The following ARL15 variants were observed in gnomAD, a reference collection of about 807,000 sequenced individuals.
The protein encoded by ARL15 is ARF like GTPase 15.
In ARL15, 19 loss-of-function variants were observed where a neutral mutation model predicts 25.2. The observed-to-expected ratio is 0.75, with a 90% CI of 0.53 to 1.10. ARL15 has a LOEUF of 1.10. Among genes scored for constraint, ARL15 ranks in the 50% least tolerant of loss-of-function variants. ARL15 has a pLI of 0.00. For synonymous variants in ARL15, 94 were observed against 86.8 expected (o/e 1.08, Z -0.46); for missense variants, 220 against 246.0 (o/e 0.89, Z 0.71).
At chr5:54,246,322 C>A (rs1482212732) in intron 1 of ARL15, among the ~76,000 whole-genome samples, 4 of 152,150 alleles carry the variant, frequency 2.6e-5, no homozygotes, top group Non-Finnish European at 5.9e-5. Flanking sequence ...ATCCCTCCGA[C>A]AACTTGCCCA....
intron 2 of ARL15, among the ~76,000 whole-genome samples, chr5:54,158,809 G>A (rs974043496): frequency 1.6e-4 from 24 of 152,148 alleles, no homozygotes; most frequent in African/African-American, 5.6e-4. Flanking sequence ...GGAGGCAGAG[G>A]TTACAGTGAG....
intron 4 of ARL15, among the ~76,000 whole-genome samples, chr5:54,006,649 CTTTCA>C (rs1231650177): frequency 6.7e-6 from 1 of 149,264 alleles, no homozygotes; most frequent in Non-Finnish European, 1.5e-5. Context: ...TATTGATTTC[CTTTCA>C]TTTATTTGTT....
intron 1 of ARL15, among the ~76,000 whole-genome samples, chr5:54,230,343 T>G (rs1158738675): frequency 1.3e-5 from 1 of 76,016 alleles, no homozygotes; most frequent in East Asian, 2.6e-4. Flanking sequence ...AGATTCCATC[T>G]CAGAAAAAAA....
At chr5:54,101,096 T>G (rs1752420406) in intron 4 of ARL15, among the ~76,000 whole-genome samples, 1 of 152,078 alleles carries the variant, frequency 6.6e-6, no homozygotes, top group African/African-American at 2.4e-5. Context: ...CAATCTCAAC[T>G]ACAATTCTTT....
chr5:54,281,266 A>G (rs1023679898), intron 1 of ARL15, among the ~76,000 whole-genome samples: 2 of 151,970 alleles, frequency 1.3e-5, no homozygotes, highest in Non-Finnish European at 2.9e-5. Flanking sequence ...CAGCCTCCCA[A>G]GTAGCTGGGA....
intron 4 of ARL15, among the ~76,000 whole-genome samples, chr5:54,033,043 ACTGGC>A (rs1750042497): frequency 1.3e-5 from 2 of 151,194 alleles, no homozygotes; most frequent in East Asian, 3.9e-4. Flanking sequence ...AAAAAAAAAG[ACTGGC>A]TGGGCATGGT....
intron 4 of ARL15, among the ~76,000 whole-genome samples, chr5:54,090,222 G>C (rs1327902244): frequency 6.6e-6 from 1 of 152,030 alleles, no homozygotes; most frequent in Non-Finnish European, 1.5e-5. Context: ...TCAATATGAT[G>C]GAATATTACA....
At chr5:53,887,868 G>C (rs936597538) in intron 4 of ARL15, among the ~76,000 whole-genome samples, 1 of 152,124 alleles carries the variant, frequency 6.6e-6, no homozygotes, top group Non-Finnish European at 1.5e-5. Flanking sequence ...TACCAGTGCA[G>C]ACTACTGTTT....
chr5:53,905,959 A>G (rs1178253923), intron 4 of ARL15, among the ~76,000 whole-genome samples: 2 of 152,192 alleles, frequency 1.3e-5, no homozygotes, highest in Non-Finnish European at 2.9e-5. Flanking sequence ...GGGTTTGTAA[A>G]TTTTAGGTGC....
chr5:54,289,021 C>T (rs1162428536), intron 1 of ARL15, among the ~76,000 whole-genome samples: 1 of 152,136 alleles, frequency 6.6e-6, no homozygotes, highest in Non-Finnish European at 1.5e-5. Context: ...AAGAATTTTC[C>T]ATACGTCATT....
intron 1 of ARL15, among the ~76,000 whole-genome samples, chr5:54,296,511 T>C (rs1172845150): frequency 1.3e-5 from 2 of 152,210 alleles, no homozygotes; most frequent in Non-Finnish European, 2.9e-5. Context: ...TCCAATCAAA[T>C]ATTTACTCAG....
At chr5:54,038,915 T>C (rs938345008) in intron 4 of ARL15, among the ~76,000 whole-genome samples, 2 of 152,180 alleles carry the variant, frequency 1.3e-5, no homozygotes, top group Non-Finnish European at 2.9e-5. Flanking sequence ...TCTATGCCTT[T>C]ACAATTCTTT....
chr5:54,113,127 A>G (rs1752789525), intron 4 of ARL15, 75 bp downstream of exon 4: 2 of 1,445,962 alleles, frequency 1.4e-6, no homozygotes, highest in Admixed American at 1.9e-5. Context: ...AATTACATGC[A>G]TTTTTCCAGG....
At chr5:54,200,103 A>G (rs1321320717) in intron 1 of ARL15, among the ~76,000 whole-genome samples, 1 of 138,386 alleles carries the variant, frequency 7.2e-6, no homozygotes, top group African/African-American at 2.7e-5. Flanking sequence ...ATGAGAACAC[A>G]TGGACACAGG....
At chr5:53,969,975 A>G (rs1419292296) in intron 4 of ARL15, among the ~76,000 whole-genome samples, 1 of 152,198 alleles carries the variant, frequency 6.6e-6, no homozygotes, top group Non-Finnish European at 1.5e-5. Context: ...CTCTCTTGGC[A>G]TACTGTAAAG....
At chr5:54,192,317 A>C (rs1209327496) in intron 1 of ARL15, among the ~76,000 whole-genome samples, 1 of 151,676 alleles carries the variant, frequency 6.6e-6, no homozygotes, top group Non-Finnish European at 1.5e-5. Context: ...ACATGTTCTA[A>C]CTACCTTACA....
At chr5:53,914,282 G>A (rs1479683678) in intron 4 of ARL15, among the ~76,000 whole-genome samples, 4 of 151,846 alleles carry the variant, frequency 2.6e-5, no homozygotes, top group East Asian at 3.9e-4. Flanking sequence ...AATCTAAATC[G>A]TGTAGAAAGC....
chr5:54,145,882 T>C (rs1207543448), intron 3 of ARL15, among the ~76,000 whole-genome samples: 1 of 152,160 alleles, frequency 6.6e-6, no homozygotes, highest in South Asian at 2.1e-4. Flanking sequence ...TGGTTTGTTT[T>C]TCAATGATTC....
intron 1 of ARL15, among the ~76,000 whole-genome samples, chr5:54,199,499 T>C (rs561811216): frequency 2.4e-4 from 37 of 152,156 alleles, no homozygotes; most frequent in African/African-American, 8.7e-4. Context: ...GAACAGACAC[T>C]TCTCAAAAGA....
Sources: allele counts gnomAD v4.1 joint callset (sites outside exome capture counted in the v4.1 genomes callset), GRCh38; gene constraint gnomAD v4.1.1; transcripts MANE v1.5; gene names NCBI Gene and HGNC (gene_info 2026-07-23, HGNC 2026-07-21).